Variants in ST14 observed in about 807,000 individuals in gnomAD.
The protein encoded by ST14 is ST14 transmembrane serine protease matriptase, also known as suppressor of tumorigenicity 14 protein.
Under a neutral mutation model 96.5 loss-of-function variants are expected in ST14, and 40 were observed. The ratio of observed to expected loss-of-function variants is 0.41; its 90% CI spans 0.32 to 0.54. The LOEUF (loss-of-function observed/expected upper bound fraction) is 0.54, where lower values mean the gene tolerates loss of function less well. ST14 is among the 20% of genes least tolerant of loss of function. ST14 has a pLI of 0.17. For synonymous variants in ST14, 506 were observed against 492.1 expected, an observed-to-expected ratio of 1.03 and a Z score of -0.37; for missense variants, 1,066 against 1,188.9, an observed-to-expected ratio of 0.90 and a Z score of 1.52.
chr11:130,191,649 C>T (rs1262199429), intron 7 of ST14, among the ~76,000 whole-genome samples: 5 of 145,766 alleles, frequency 3.4e-5, no homozygotes, highest in African/African-American at 7.7e-5. Context: ...GAGATCGTAC[C>T]ACTACACTCC....
intron 9 of ST14, among the ~76,000 whole-genome samples, chr11:130,195,176 A>G (rs1591890871): frequency 1.3e-5 from 2 of 152,238 alleles, no homozygotes; most frequent in Non-Finnish European, 2.9e-5. Flanking sequence ...TAAACCCAGG[A>G]GTTTAAGGCT....
chr11:130,175,529 G>A (rs1953128756), intron 1 of ST14, among the ~76,000 whole-genome samples: 1 of 151,736 alleles, frequency 6.6e-6, no homozygotes, highest in Non-Finnish European at 1.5e-5. Context: ...ACAGGCATGT[G>A]CCACCATGCC....
At chr11:130,164,825 C>T (rs1294162069) in intron 1 of ST14, among the ~76,000 whole-genome samples, 1 of 151,774 alleles carries the variant, frequency 6.6e-6, no homozygotes, top group African/African-American at 2.4e-5. Flanking sequence ...ACAACCTCCG[C>T]CTCCTGGATT....
At chr11:130,203,643 T>C (rs113707008) in intron 16 of ST14, among the ~76,000 whole-genome samples, 9,020 of 152,258 alleles carry the variant, frequency 0.059, 335 homozygotes, top group Middle Eastern at 0.095. Flanking sequence ...TTCCTAAATG[T>C]GCCTTTGCTC....
intron 1 of ST14, among the ~76,000 whole-genome samples, chr11:130,177,192 G>A (rs1953147278): frequency 6.6e-6 from 1 of 152,072 alleles, no homozygotes. Flanking sequence ...TTGGGCAATG[G>A]TTCGATTTCC....
chr11:130,183,987 C>T (rs915725805), intron 1 of ST14, among the ~76,000 whole-genome samples: 9 of 152,204 alleles, frequency 5.9e-5, no homozygotes, highest in Admixed American at 1.3e-4. Flanking sequence ...CAGGAACCTG[C>T]GTGAGTCTCA....
chr11:130,196,496 A>T lies in ST14; in HGVS notation c.1223+48A>T, dbSNP rs1591891788. On this transcript the variant is annotated intron_variant, in intron 10 of 18. Coordinates refer to ENST00000278742, the MANE Select transcript of ST14 (RefSeq NM_021978.4). ...GCTGCCGGGCCCATGCTGCAGGGGG[A>T]GGGGTCCCACCAGACCCCCAGCCCC... is the stretch of plus-strand genomic sequence containing the variant. 6.4e-6 allele frequency: 10 copies of T among 1,573,554 alleles called. No homozygotes were observed. In the South Asian group the frequency reaches 1.1e-4, roughly 18 times the overall value.
intron 1 of ST14, among the ~76,000 whole-genome samples, chr11:130,186,297 G>C (rs1953237574): frequency 6.6e-6 from 1 of 152,154 alleles, no homozygotes; most frequent in Non-Finnish European, 1.5e-5. Context: ...TTTTTAAAAA[G>C]TATGTGTTCC....
Position 130,188,445 on chromosome 11 carries a change from G to A in ST14, c.242-85G>A. 1 of 1,606,972 alleles carries A rather than the reference G, an allele frequency of 6.2e-7. No homozygotes were observed. Among genetic ancestry groups the A allele is most frequent in the East Asian group, 2.2e-5 (1 of 44,808 alleles). Reference sequence around the variant, plus strand: ...CAGGGCTGACCCATGGCCCCCTCCTGGCATTCATTCCCCATTGTGGACGGC... The same window carrying A: ...CAGGGCTGACCCATGGCCCCCTCCTAGCATTCATTCCCCATTGTGGACGGC... On this transcript the variant is annotated intron_variant, in intron 2 of 18. Transcript: ENST00000278742. This position sits in a 1 kb window ranked among gnomAD's most constrained non-coding sequence, Gnocchi z 5.4.
At chr11:130,203,871 C>G (rs1319538371) in intron 16 of ST14, among the ~76,000 whole-genome samples, 1 of 152,190 alleles carries the variant, frequency 6.6e-6, no homozygotes, top group African/African-American at 2.4e-5. Context: ...CCAGGCTGGT[C>G]TTGAACTCCT....
intron 1 of ST14, among the ~76,000 whole-genome samples, chr11:130,186,769 T>G (rs1168697320): frequency 6.6e-6 from 1 of 152,176 alleles, no homozygotes; most frequent in Non-Finnish European, 1.5e-5. Context: ...ATCCACATTG[T>G]CATAATAGAA....
intron 1 of ST14, among the ~76,000 whole-genome samples, chr11:130,173,465 G>A (rs1039574234): frequency 3.3e-5 from 5 of 151,970 alleles, no homozygotes; most frequent in South Asian, 2.1e-4. Context: ...GTGTGGTGGC[G>A]GGCGCCTGTA....
intron 7 of ST14, among the ~76,000 whole-genome samples, chr11:130,191,644 CGT>C (rs1565624624): frequency 2.2e-5 from 3 of 139,408 alleles, no homozygotes; most frequent in Non-Finnish European, 3.0e-5. Context: ...GAGCCGAGAT[CGT>C]ACCACTACAC....
intron 1 of ST14, among the ~76,000 whole-genome samples, chr11:130,160,925 C>T (rs148898126): frequency 3.3e-5 from 5 of 152,290 alleles, no homozygotes; most frequent in Admixed American, 1.3e-4. Flanking sequence ...CAGGGCGGCG[C>T]TGAGAGGCAG....
chr11:130,187,675 C>A lies in ST14; in HGVS notation c.82-439C>A, dbSNP rs1953250371. ...AGGGGCTGTGTCCGAGGGAGCAGGG[C>A]CTGCTCCTAGAAGTCTGCACAGGGG... On this transcript the variant is annotated intron_variant, in intron 1 of 18. Transcript: ENST00000278742. This position sits in a 1 kb window ranked among gnomAD's most constrained non-coding sequence, Gnocchi z 4.5. 6.6e-6 allele frequency among the ~76,000 whole-genome samples: 1 copy of A among 152,042 alleles called. No homozygotes were observed. The highest frequency in any genetic ancestry group is 6.6e-5 in the Admixed American group (1 of 15,264).
chr11:130,160,243 G>C (rs1056565006), intron 1 of ST14, among the ~76,000 whole-genome samples, 183 bp downstream of exon 1: 2 of 152,072 alleles, frequency 1.3e-5, no homozygotes, highest in South Asian at 2.1e-4. Flanking sequence ...CGGACCTTTG[G>C]TACCGGACCG....
intron 1 of ST14, among the ~76,000 whole-genome samples, chr11:130,184,716 G>A (rs1953222517): frequency 1.3e-5 from 2 of 152,134 alleles, no homozygotes; most frequent in Admixed American, 6.6e-5. Context: ...CACAGTGGAT[G>A]GGAAAAATAG....
chr11:130,208,951 G>T (rs1420607157), intron 17 of ST14, among the ~76,000 whole-genome samples: 1 of 152,208 alleles, frequency 6.6e-6, no homozygotes, highest in Non-Finnish European at 1.5e-5. Flanking sequence ...GTTTGTGCAT[G>T]CGCGTAATGA....
intron 16 of ST14, among the ~76,000 whole-genome samples, 195 bp from the exon 17 acceptor site, chr11:130,208,215 G>A (rs565440672): frequency 1.3e-5 from 2 of 152,368 alleles, no homozygotes; most frequent in South Asian, 2.1e-4. Context: ...GTTCAAGAGG[G>A]ATTTCATACT....
Sources: allele counts gnomAD v4.1 joint callset (sites outside exome capture counted in the v4.1 genomes callset), GRCh38; gene constraint gnomAD v4.1.1; non-coding constraint Gnocchi (gnomAD v3.1); transcripts MANE v1.5; gene names NCBI Gene and HGNC (gene_info 2026-07-23, HGNC 2026-07-21).